TMEM33: variants seen among roughly 807,000 people sequenced by gnomAD.
TMEM33 encodes transmembrane protein 33.
Under a neutral mutation model 29.7 loss-of-function variants are expected in TMEM33, and 16 were observed. That is an observed-to-expected ratio of 0.54 (90% CI 0.36 to 0.82). The LOEUF is 0.82. TMEM33 is among the 40% of genes least tolerant of loss of function. TMEM33 has a pLI of 0.00. For synonymous variants in TMEM33, 112 were observed against 109.4 expected, an observed-to-expected ratio of 1.02 and a Z score of -0.15; for missense variants, 252 against 295.3, an observed-to-expected ratio of 0.85 and a Z score of 1.08.
At chr4:41,941,540 G>A (rs113510418) in intron 3 of TMEM33, among the ~76,000 whole-genome samples, 3,705 of 152,272 alleles carry the variant, frequency 0.024, 69 homozygotes, top group Non-Finnish European at 0.035. Flanking sequence ...GAATCCTGAG[G>A]TCTTGCCAAA....
intron 5 of TMEM33, among the ~76,000 whole-genome samples, chr4:41,946,767 T>C (rs1174470738): frequency 6.8e-6 from 1 of 147,292 alleles, no homozygotes; most frequent in Non-Finnish European, 1.5e-5. Flanking sequence ...TCTTTCCACC[T>C]CTTTCTTTTG....
At chr4:41,938,809 A>G in intron 2 of TMEM33, 113 bp downstream of exon 2, 1 of 948,458 alleles carries the variant, frequency 1.1e-6, no homozygotes. Flanking sequence ...GACAAATAAA[A>G]TACAAGTTCC....
chr4:41,942,404 A>G (rs965614595), intron 3 of TMEM33, among the ~76,000 whole-genome samples: 6 of 152,174 alleles, frequency 3.9e-5, no homozygotes, highest in South Asian at 2.1e-4. Context: ...ATACTTGGAT[A>G]TAGGTTGGTG....
chr4:41,944,806 A>G lies in TMEM33; in HGVS notation c.410A>G (p.Asn137Ser), dbSNP rs202036782. Reference sequence around the variant, plus strand: ...CTTTTGTTTTAGGCAAGGGGCTCAAATAGTTTACCTCTGCTGAGATCTGTC... The same window carrying G: ...CTTTTGTTTTAGGCAAGGGGCTCAAGTAGTTTACCTCTGCTGAGATCTGTC... The part of the protein sequence containing the change: ...TKKVLDARGS[N>S]SLPLLRSVLD... Residue 137 changes from asparagine (N) to serine (S), a missense_variant, in exon 5 of 7, where the codon AAT (asparagine) becomes AGT (serine). By Grantham distance (46) the Asn-to-Ser change is conservative. Transcript: ENST00000504986. 29 of 1,613,052 alleles carry G rather than the reference A, an allele frequency of 1.8e-5. No homozygotes were observed. The East Asian group carries it at 6.3e-4, about 35-fold the overall frequency.
chr4:41,953,617 A>T, intron 6 of TMEM33: 1 of 345,614 alleles, frequency 2.9e-6, no homozygotes. Context: ...GCCTCCTTTC[A>T]CCTGAGCACT....
In TMEM33 at chr4:41,944,800, G is replaced by C; in HGVS notation, c.404G>C (p.Gly135Ala). ...TYTKKVLDAR[G>A]SNSLPLLRSV... is the part of the protein sequence containing the mutation. ...GGTTTTCTTTTGTTTTAGGCAAGGG[G>C]CTCAAATAGTTTACCTCTGCTGAGA... is the stretch of plus-strand genomic sequence containing the variant. The change falls in exon 5 of 7, where the codon GGC (glycine) becomes GCC (alanine). Residue 135 changes from glycine to alanine, a missense_variant. Physicochemically the swap from Gly to Ala is moderately conservative, Grantham distance 60. Transcript: ENST00000504986. 6.2e-7 allele frequency: 1 copy of C among 1,612,676 alleles called. No individual in the cohort carries two copies.
At position 41,939,227 on chromosome 4, in the gene TMEM33, G is replaced by C; in HGVS notation, c.172G>C (p.Ala58Pro). ...LHEAASFYQR[A>P]LLANALTSAL... The stretch of plus-strand genomic sequence containing the variant: ...TGAAGCAGCAAGCTTTTACCAACGT[G>C]CTTTGCTGGCAAATGCTCTTACCAG... Residue 58 changes from alanine (A) to proline (P), a missense_variant, in exon 3 of 7, where the codon GCT (alanine) becomes CCT (proline). Ala to Pro is a conservative substitution (Grantham distance 27). Coordinates refer to ENST00000504986, the MANE Select transcript of TMEM33 (RefSeq NM_018126.3). The C allele has an allele frequency of 6.2e-7, 1 of 1,604,272 alleles. No individual in the cohort carries two copies. Among genetic ancestry groups the C allele is most frequent in the Non-Finnish European group, 8.5e-7 (1 of 1,177,350 alleles).
intron 2 of TMEM33, 71 bp downstream of exon 2, chr4:41,938,767 T>C: frequency 7.0e-7 from 1 of 1,436,874 alleles, no homozygotes. Context: ...GCCTTTTAGG[T>C]GTAAGACTTA....
chr4:41,955,757 G>A lies in TMEM33; in HGVS notation c.*1558G>A, dbSNP rs1488715562. The A allele has an allele frequency of 6.6e-6, 1 of 152,568 alleles. No individual in the cohort carries two copies. The highest frequency in any genetic ancestry group is 1.5e-5 in the Non-Finnish European group (1 of 68,032). The allele number at this position is 152,568 out of a possible 1,614,324, so 9.5% of individuals were successfully genotyped here. A position where few individuals can be genotyped will look rare whatever the true frequency, so the allele number is the denominator to read the frequency against. ...TTGTCACTATGTAAGTAATCCAATG[G>A]TTTTAGAAACTAAACTTTCTAGAGC... is the stretch of plus-strand genomic sequence containing the variant. On this transcript the variant is annotated 3_prime_UTR_variant, in exon 7 of 7. Transcript: ENST00000504986.
chr4:41,949,778 C>T (rs1346104896), intron 6 of TMEM33, among the ~76,000 whole-genome samples: 1 of 152,106 alleles, frequency 6.6e-6, no homozygotes, highest in East Asian at 1.9e-4. Flanking sequence ...TATATCAGTA[C>T]TGCAGTCCAC....
rs573277989 is a variant in TMEM33, at chr4:41,943,399, C to A, written c.329-348C>A. Reference sequence around the variant, plus strand: ...AATTAGCTGGGCGTGGTGGCAGGCGCCTATAATCCCAGCTACTCGGGAGGC... The same window carrying A: ...AATTAGCTGGGCGTGGTGGCAGGCGACTATAATCCCAGCTACTCGGGAGGC... On this transcript the variant is annotated intron_variant, in intron 3 of 6. Coordinates refer to ENST00000504986, the MANE Select transcript of TMEM33 (RefSeq NM_018126.3). Among the ~76,000 whole-genome samples, 6 of 152,118 alleles carry A rather than the reference C, an allele frequency of 3.9e-5. No individual in the cohort carries two copies. In the South Asian group the frequency reaches 1.2e-3, roughly 32 times the overall value.
intron 3 of TMEM33, among the ~76,000 whole-genome samples, chr4:41,940,441 T>C (rs183356325): frequency 3.5e-4 from 53 of 152,280 alleles, no homozygotes; most frequent in African/African-American, 1.2e-3. Flanking sequence ...ATCAAATTTT[T>C]AAATAGATTT....
chr4:41,959,025 C>T lies in TMEM33; in HGVS notation c.*4826C>T, dbSNP rs898439533. The T allele has an allele frequency of 3.9e-5, 6 of 152,086 alleles. No homozygotes were observed. The highest frequency in any genetic ancestry group is 7.2e-5 in the African/African-American group (3 of 41,394). 9.4% of individuals were successfully genotyped at this position (152,086 alleles called of 1,614,324 possible). ...GAGCCACTAAGCCTGGCTGAGACAACTAGTTTCCCTTAACTCATTGGAATT... is the reference window on the plus strand; with the variant it reads ...GAGCCACTAAGCCTGGCTGAGACAATTAGTTTCCCTTAACTCATTGGAATT... On this transcript the variant is annotated 3_prime_UTR_variant, in exon 7 of 7. Transcript: ENST00000504986.
chr4:41,938,474 C>T, intron 1 of TMEM33, 128 bp from the exon 2 acceptor site: 1 of 824,520 alleles, frequency 1.2e-6, no homozygotes, highest in Non-Finnish European at 2.0e-6. Flanking sequence ...GAGTTTTCAC[C>T]TAATGATCTA....
At chr4:41,949,470 G>A (rs950061927) in intron 6 of TMEM33, 85 bp downstream of exon 6, 4 of 1,117,200 alleles carry the variant, frequency 3.6e-6, no homozygotes, top group Non-Finnish European at 5.1e-6. Context: ...GAGTTACTTA[G>A]CTAATGTGTT....
At chr4:41,945,062 A>G in intron 5 of TMEM33, 136 bp downstream of exon 5, 1 of 1,074,634 alleles carries the variant, frequency 9.3e-7, no homozygotes, top group Non-Finnish European at 1.3e-6. Context: ...GCAGTTGCCT[A>G]ATCTAACCTT....
chr4:41,943,689 G>A, intron 3 of TMEM33, 58 bp from the exon 4 acceptor site: 1 of 1,469,660 alleles, frequency 6.8e-7, no homozygotes, highest in Non-Finnish European at 9.5e-7. Context: ...ATAATACATA[G>A]TCTGTTTTGC....
rs1237332297 is a variant in TMEM33, at chr4:41,959,457, G to C, written c.*5258G>C. ...AAATCTAAAGCAGATTCCTTTCTTA[G>C]AAAACAATAGGAAAAAATTATAGAT... On this transcript the variant is annotated 3_prime_UTR_variant, in exon 7 of 7. Transcript: ENST00000504986. 1 of 152,108 alleles carries C rather than the reference G, an allele frequency of 6.6e-6. No individual in the cohort carries two copies. The highest frequency in any genetic ancestry group is 6.6e-5 in the Admixed American group (1 of 15,264). 9.4% of individuals were successfully genotyped at this position (152,108 alleles called of 1,614,324 possible).
At chr4:41,947,518 T>A (rs1321664360) in intron 5 of TMEM33, among the ~76,000 whole-genome samples, 1 of 152,192 alleles carries the variant, frequency 6.6e-6, no homozygotes, top group Non-Finnish European at 1.5e-5. Flanking sequence ...TAAACATTTA[T>A]TTGTACAAAC....
Sources: allele counts gnomAD v4.1 joint callset (sites outside exome capture counted in the v4.1 genomes callset), GRCh38; gene constraint gnomAD v4.1.1; transcripts MANE v1.5; gene names NCBI Gene and HGNC (gene_info 2026-07-23, HGNC 2026-07-21).